The following L3MBTL4 variants were observed in gnomAD, a reference collection of about 807,000 sequenced individuals.
L3MBTL4 encodes the protein lethal(3)malignant brain tumor-like protein 4.
A neutral mutation model predicts 84.5 loss-of-function variants in L3MBTL4; 70 were observed. The ratio of observed to expected loss-of-function variants is 0.83; its 90% CI spans 0.68 to 1.01. L3MBTL4 has a LOEUF of 1.01. L3MBTL4 is among the 50% of genes least tolerant of loss of function. The pLI is 0.00. For missense variants in L3MBTL4, 715 were observed against 754.8 expected, an observed-to-expected ratio of 0.95 and a Z score of 0.62; for synonymous variants, 274 against 259.8, an observed-to-expected ratio of 1.05 and a Z score of -0.52.
At chr18:6,344,710 A>G (rs2052787951) in intron 1 of L3MBTL4, among the ~76,000 whole-genome samples, 1 of 152,216 alleles carries the variant, frequency 6.6e-6, no homozygotes, top group Admixed American at 6.5e-5. Context: ...TATCCCTGGT[A>G]TGCAAGGATG....
At chr18:6,299,723 G>A (rs1378391359) in intron 4 of L3MBTL4, among the ~76,000 whole-genome samples, 4 of 152,160 alleles carry the variant, frequency 2.6e-5, no homozygotes, top group African/African-American at 7.2e-5. Flanking sequence ...AGGCTGGAGT[G>A]CAGGGACAAG....
chr18:6,352,289 C>T (rs2053236969), intron 1 of L3MBTL4, among the ~76,000 whole-genome samples: 1 of 152,164 alleles, frequency 6.6e-6, no homozygotes, highest in South Asian at 2.1e-4. Context: ...ACCCAATCTC[C>T]TCATCTTTAT....
intron 12 of L3MBTL4, among the ~76,000 whole-genome samples, chr18:6,188,873 C>T (rs1053485351): frequency 2.6e-5 from 4 of 152,238 alleles, no homozygotes; most frequent in Non-Finnish European, 5.9e-5. Context: ...TCTATCAACA[C>T]ATTTGAAACC....
At chr18:6,227,482 C>A (rs1418001117) in intron 10 of L3MBTL4, among the ~76,000 whole-genome samples, 1 of 152,104 alleles carries the variant, frequency 6.6e-6, no homozygotes, top group Non-Finnish European at 1.5e-5. Flanking sequence ...ATAGCTAAAA[C>A]CTTCCCAGAA....
intron 13 of L3MBTL4, among the ~76,000 whole-genome samples, chr18:6,166,169 A>G (rs1186196876): frequency 6.6e-6 from 1 of 152,226 alleles, no homozygotes; most frequent in African/African-American, 2.4e-5. Flanking sequence ...GAGCACCCAG[A>G]TTCATAAAGC....
At chr18:6,340,544 C>T (rs7230495) in intron 1 of L3MBTL4, among the ~76,000 whole-genome samples, 1 of 152,148 alleles carries the variant, frequency 6.6e-6, no homozygotes, top group South Asian at 2.1e-4. Context: ...GGGATGAGTA[C>T]AATAGCATCA....
chr18:6,279,656 T>A (rs925883055), intron 4 of L3MBTL4, among the ~76,000 whole-genome samples: 3 of 152,142 alleles, frequency 2.0e-5, no homozygotes, highest in Admixed American at 2.0e-4. Context: ...GGAAGGAAGG[T>A]CTATGAATGT....
intron 12 of L3MBTL4, among the ~76,000 whole-genome samples, chr18:6,203,790 C>T (rs570433653): frequency 4.6e-5 from 7 of 152,286 alleles, no homozygotes; most frequent in African/African-American, 1.2e-4. Context: ...CCAGATTCTA[C>T]GTTTCTAACC....
chr18:5,979,238 C>T (rs2053099884), intron 16 of L3MBTL4, among the ~76,000 whole-genome samples: 1 of 152,156 alleles, frequency 6.6e-6, no homozygotes, highest in Non-Finnish European at 1.5e-5. Context: ...ACCATTTGAG[C>T]AGAGGGTCCA....
At chr18:6,373,223 A>G (rs1433377765) in intron 1 of L3MBTL4, among the ~76,000 whole-genome samples, 1 of 152,176 alleles carries the variant, frequency 6.6e-6, no homozygotes, top group East Asian at 1.9e-4. Flanking sequence ...CTGCAACCTC[A>G]TCCGTGCTGG....
intron 13 of L3MBTL4, among the ~76,000 whole-genome samples, chr18:6,138,581 C>T (rs2060102844): frequency 6.6e-6 from 1 of 152,122 alleles, no homozygotes; most frequent in Non-Finnish European, 1.5e-5. Flanking sequence ...GAGACTAAGT[C>T]TCACTCTGTT....
intron 16 of L3MBTL4, among the ~76,000 whole-genome samples, chr18:6,032,582 A>C (rs2055880813): frequency 6.6e-6 from 1 of 152,074 alleles, no homozygotes; most frequent in Non-Finnish European, 1.5e-5. Context: ...TACCGTCTTA[A>C]CCATTTTAAG....
chr18:6,285,958 A>T (rs1015843783), intron 4 of L3MBTL4, among the ~76,000 whole-genome samples: 1 of 151,268 alleles, frequency 6.6e-6, no homozygotes, highest in Non-Finnish European at 1.5e-5. Flanking sequence ...CAGCCTCCCC[A>T]GTAGCTGGGA....
chr18:6,387,155 G>A (rs1297347607), intron 1 of L3MBTL4, among the ~76,000 whole-genome samples: 3 of 152,170 alleles, frequency 2.0e-5, no homozygotes, highest in Admixed American at 6.5e-5. Flanking sequence ...GGAACTACAG[G>A]CTGGGCCTGA....
At chr18:6,248,057 A>G (rs913893712) in intron 5 of L3MBTL4, among the ~76,000 whole-genome samples, 2 of 152,178 alleles carry the variant, frequency 1.3e-5, no homozygotes, top group African/African-American at 4.8e-5. Context: ...GTATACCCAT[A>G]CAAACATACA....
At chr18:6,043,239 A>T (rs974780337) in intron 16 of L3MBTL4, among the ~76,000 whole-genome samples, 1 of 152,022 alleles carries the variant, frequency 6.6e-6, no homozygotes, top group Non-Finnish European at 1.5e-5. Flanking sequence ...CCACTCCCTG[A>T]TCATTTACTC....
intron 1 of L3MBTL4, among the ~76,000 whole-genome samples, chr18:6,315,608 G>A (rs1312443170): frequency 6.6e-6 from 1 of 152,194 alleles, no homozygotes; most frequent in Non-Finnish European, 1.5e-5. Flanking sequence ...CAATTCTGGG[G>A]TCCCTCTTTG....
intron 16 of L3MBTL4, among the ~76,000 whole-genome samples, chr18:5,975,000 T>G (rs663808): frequency 0.71 from 108,199 of 151,428 alleles, 40,221 homozygotes; most frequent in East Asian, 0.94. Context: ...AGGAAGAATA[T>G]TTTTTAGAAA....
At chr18:5,991,841 G>C (rs984562615) in intron 16 of L3MBTL4, among the ~76,000 whole-genome samples, 1 of 152,036 alleles carries the variant, frequency 6.6e-6, no homozygotes, top group African/African-American at 2.4e-5. Flanking sequence ...CTAGTGACAT[G>C]CTGAGCCCAG....
Sources: gnomAD v4.1 joint callset for allele counts (sites outside exome capture counted in the v4.1 genomes callset) on GRCh38, gnomAD v4.1.1 for gene constraint, MANE v1.5 for transcripts, NCBI Gene and HGNC (gene_info 2026-07-23, HGNC 2026-07-21) for gene names.